Variants in RNF38 observed in about 807,000 individuals in gnomAD.
RNF38 encodes the protein E3 ubiquitin-protein ligase RNF38.
In RNF38, 15 loss-of-function variants were observed where a neutral mutation model predicts 67.2. The observed-to-expected ratio is 0.22, with a 90% CI of 0.15 to 0.34. RNF38 has a LOEUF of 0.34. RNF38 is among the 10% of genes least tolerant of loss of function. The pLI is 1.00. For synonymous variants in RNF38, 220 were observed against 218.8 expected (o/e 1.01, Z -0.05); for missense variants, 524 against 639.9 (o/e 0.82, Z 1.95).
At chr9:36,440,540 A>G (rs1839169658) in intron 1 of RNF38, among the ~76,000 whole-genome samples, 1 of 152,194 alleles carries the variant, frequency 6.6e-6, no homozygotes, top group Admixed American at 6.5e-5. Context: ...TCAAAAAAAA[A>G]AGAAAGAAAA....
At chr9:36,364,121 T>C (rs1240491073) in intron 4 of RNF38, among the ~76,000 whole-genome samples, 1 of 151,256 alleles carries the variant, frequency 6.6e-6, no homozygotes, top group Non-Finnish European at 1.5e-5. Flanking sequence ...TGAGCCACCG[T>C]GCCCTGCCCA....
chr9:36,483,205 G>C (rs1214300626), intron 1 of RNF38, among the ~76,000 whole-genome samples: 1 of 152,060 alleles, frequency 6.6e-6, no homozygotes, highest in Non-Finnish European at 1.5e-5. Context: ...GGCCAACATG[G>C]TGAAACCCCG....
chr9:36,382,655 T>C (rs1429564008), intron 2 of RNF38, among the ~76,000 whole-genome samples: 1 of 152,228 alleles, frequency 6.6e-6, no homozygotes, highest in Non-Finnish European at 1.5e-5. Flanking sequence ...AACATGCCTC[T>C]AATGGCAACC....
At chr9:36,399,167 T>C (rs1014088777) in intron 1 of RNF38, among the ~76,000 whole-genome samples, 6 of 152,178 alleles carry the variant, frequency 3.9e-5, no homozygotes, top group African/African-American at 1.2e-4. Flanking sequence ...GAGTAATACT[T>C]GACAATTTAA....
In RNF38 at chr9:36,371,934, C is replaced by CTTT. The variant is rs1292005987; in HGVS notation, c.357-2005_357-2003dup. On this transcript the variant is annotated intron_variant, in intron 3 of 11. Transcript: ENST00000259605. ...CCAGAATGAACTCACTTTTTCTTTT[C>CTTT]TTTTTTTTTTTTTTGAGACAGAGTC... is the stretch of plus-strand genomic sequence containing the variant. Among the ~76,000 whole-genome samples, 73 of 140,750 alleles carry CTTT rather than the reference C, an allele frequency of 5.2e-4. 1 individual carries two copies. Among genetic ancestry groups the CTTT allele is most frequent in the African/African-American group, 1.9e-3 (71 of 38,202 alleles). The allele number at this position is 140,750 out of a possible 152,430, so 92.3% of individuals were successfully genotyped here.
chr9:36,476,254 G>A (rs1341263325), intron 1 of RNF38, among the ~76,000 whole-genome samples: 1 of 151,866 alleles, frequency 6.6e-6, no homozygotes, highest in Non-Finnish European at 1.5e-5. Context: ...CCATAACTAG[G>A]ATTACAGGCA....
chr9:36,458,838 G>A (rs1028381762), intron 1 of RNF38, among the ~76,000 whole-genome samples: 5 of 152,192 alleles, frequency 3.3e-5, no homozygotes, highest in African/African-American at 1.2e-4. Flanking sequence ...AGAGAGACAA[G>A]TCCACTATAT....
Position 36,399,995 on chromosome 9 carries a change from T to C in RNF38, c.12+102A>G, listed in dbSNP as rs1004762622. On this transcript the variant is annotated intron_variant, in intron 1 of 11. Coordinates refer to ENST00000259605, the MANE Select transcript of RNF38 (RefSeq NM_022781.5). ...ATGGCAATTCATATAATGGTGGCAA[T>C]AATTACATGTGTGTGTTTCTACTTA... is the stretch of plus-strand genomic sequence containing the variant. The C allele has an allele frequency of 8.6e-6, 9 of 1,042,564 alleles. No individual in the cohort carries two copies. In the African/African-American group the frequency reaches 9.7e-5, roughly 11 times the overall value. 64.6% of individuals were successfully genotyped at this position (1,042,564 alleles called of 1,614,324 possible). A position where few individuals can be genotyped will look rare whatever the true frequency, so the allele number is the denominator to read the frequency against.
chr9:36,391,344 T>C (rs530858379), intron 1 of RNF38, among the ~76,000 whole-genome samples: 1 of 152,152 alleles, frequency 6.6e-6, no homozygotes, highest in East Asian at 1.9e-4. Flanking sequence ...TGATTATGGG[T>C]TAATCCTCTT....
chr9:36,484,288 A>G (rs902471410), intron 1 of RNF38, among the ~76,000 whole-genome samples: 5 of 152,220 alleles, frequency 3.3e-5, no homozygotes, highest in Admixed American at 2.6e-4. Context: ...CAGCAGTTCC[A>G]AAATAAAAGT....
chr9:36,434,679 G>A (rs1587131721), intron 1 of RNF38, among the ~76,000 whole-genome samples: 1 of 152,074 alleles, frequency 6.6e-6, no homozygotes, highest in African/African-American at 2.4e-5. Context: ...ATGAGCCACC[G>A]TGCCCAGCCT....
intron 1 of RNF38, among the ~76,000 whole-genome samples, chr9:36,460,144 C>G (rs1354319569): frequency 2.0e-5 from 3 of 152,038 alleles, no homozygotes; most frequent in African/African-American, 7.2e-5. Flanking sequence ...GTTTCTTAAG[C>G]TTATGATCAA....
chr9:36,478,241 A>G (rs1430088513), intron 1 of RNF38, among the ~76,000 whole-genome samples: 1 of 151,236 alleles, frequency 6.6e-6, no homozygotes, highest in Non-Finnish European at 1.5e-5. Context: ...CATCTCTACT[A>G]AAAATACAAA....
At chr9:36,354,513 G>A (rs746986450) in intron 6 of RNF38, among the ~76,000 whole-genome samples, 2 of 152,164 alleles carry the variant, frequency 1.3e-5, no homozygotes, top group Non-Finnish European at 2.9e-5. Flanking sequence ...AATGGAACCA[G>A]TTCATTTAAA....
upstream of RNF38, chr9:36,400,349 G>C: frequency 4.1e-6 from 5 of 1,224,660 alleles, no homozygotes; most frequent in Non-Finnish European, 5.1e-6. Context: ...AAAAGGGAGG[G>C]AGCGAGAGAG....
Position 36,352,799 on chromosome 9 carries a change from C to A in RNF38, c.1121G>T (p.Arg374Leu). 2 of 1,613,918 alleles carry A rather than the reference C, an allele frequency of 1.2e-6. No homozygotes were observed. The highest frequency in any genetic ancestry group is 1.7e-6 in the Non-Finnish European group (2 of 1,179,938). The change falls in exon 8 of 12, where the codon CGA becomes CTA. Residue 374 changes from arginine (R) to leucine (L), a missense_variant. Arg to Leu is a moderately radical substitution (Grantham distance 102). Transcript: ENST00000259605. ...GGGAGGTGGTATTGGCTGCTGGGAT[C>A]GGTATCTACTACGTCCTGTAAGCCT... is the stretch of plus-strand genomic sequence containing the variant. ...PRRLTGRSRY[R>L]SQQPIPPPPY... is the part of the protein sequence containing the mutation.
At chr9:36,421,885 A>G (rs1250291418) in intron 2 of RNF38, among the ~76,000 whole-genome samples, 1 of 152,052 alleles carries the variant, frequency 6.6e-6, no homozygotes, top group Non-Finnish European at 1.5e-5. Context: ...TGATTTTTAA[A>G]TATGATATCC....
chr9:36,338,653 T>G lies in RNF38; in HGVS notation c.*1099A>C, dbSNP rs1369219338. 6.6e-6 allele frequency: 1 copy of G among 152,426 alleles called. No individual in the cohort carries two copies. Among genetic ancestry groups the G allele is most frequent in the East Asian group, 1.9e-4 (1 of 5,198 alleles). 9.4% of individuals were successfully genotyped at this position (152,426 alleles called of 1,614,324 possible). A position where few individuals can be genotyped will look rare whatever the true frequency, so the allele number is the denominator to read the frequency against. On this transcript the variant is annotated 3_prime_UTR_variant, in exon 12 of 12. Coordinates refer to ENST00000259605, the MANE Select transcript of RNF38 (RefSeq NM_022781.5). ...AGAAGTCAAGCTGAATTAACAGGTT[T>G]TGTTCTGGTGGAAGTCAACAAGGTG...
chr9:36,349,572 C>G (rs1162810620), intron 9 of RNF38, among the ~76,000 whole-genome samples: 1 of 152,164 alleles, frequency 6.6e-6, no homozygotes, highest in Non-Finnish European at 1.5e-5. Flanking sequence ...AACCTGTAGT[C>G]TGCCTTTCAT....
Sources: gnomAD v4.1 joint callset for allele counts (sites outside exome capture counted in the v4.1 genomes callset) on GRCh38, gnomAD v4.1.1 for gene constraint, MANE v1.5 for transcripts, NCBI Gene and HGNC (gene_info 2026-07-23, HGNC 2026-07-21) for gene names.